Variants in SUCLA2 observed in about 807,000 individuals in gnomAD.
SUCLA2 encodes succinate-CoA ligase ADP-forming subunit beta, also known as succinate--CoA ligase [ADP-forming] subunit beta, mitochondrial.
SUCLA2 carries 30 observed loss-of-function variants against 54.8 expected under a neutral mutation model. The observed-to-expected ratio is 0.55, with a 90% CI of 0.41 to 0.74. SUCLA2 has a LOEUF of 0.74. Among genes scored for constraint, SUCLA2 ranks in the 30% least tolerant of loss-of-function variants. The pLI is 0.00. For missense variants in SUCLA2, 476 were observed against 562.9 expected (o/e 0.85, Z 1.56); for synonymous variants, 172 against 188.9 (o/e 0.91, Z 0.74).
At chr13:47,966,401 C>A (rs1028498336) in intron 6 of SUCLA2, among the ~76,000 whole-genome samples, 1 of 151,896 alleles carries the variant, frequency 6.6e-6, no homozygotes, top group Admixed American at 6.6e-5. Context: ...CAATTCTTAT[C>A]CTTTTACTTT....
In SUCLA2 at chr13:47,996,675, T is replaced by C. The variant is rs1401312082; in HGVS notation, c.271+168A>G. Among the ~76,000 whole-genome samples, 4 of 151,954 alleles carry C rather than the reference T, an allele frequency of 2.6e-5. No homozygotes were observed. The East Asian group carries it at 5.8e-4, about 22-fold the overall frequency. ...TGGGTGCTCATAATAATAATAATAATAATAATTTTAGAATTTCAATAATAA... is the reference window on the plus strand; with the variant it reads ...TGGGTGCTCATAATAATAATAATAACAATAATTTTAGAATTTCAATAATAA... On this transcript the variant is annotated intron_variant, in intron 2 of 10. Coordinates refer to ENST00000646932, the MANE Select transcript of SUCLA2 (RefSeq NM_003850.3).
chr13:47,959,480 G>A (rs1325514339), intron 6 of SUCLA2, among the ~76,000 whole-genome samples: 1 of 90,090 alleles, frequency 1.1e-5, no homozygotes, highest in Non-Finnish European at 2.3e-5. Context: ...AGGGGCGGAG[G>A]AGGAGGGGGG....
At position 47,983,489 on chromosome 13, in the gene SUCLA2, CT is replaced by C. The variant is rs10548877; in HGVS notation, c.534+5051del. On this transcript the variant is annotated intron_variant, in intron 4 of 10. Transcript: ENST00000646932. ...ACATTTTAGTTTAGTTTTCTTTTCC[CT>C]TTTTTTTTTTTTTTTTTGAGACGGA... Among the ~76,000 whole-genome samples, 50 of 132,510 alleles carry C rather than the reference CT, an allele frequency of 3.8e-4. 1 individual carries two copies. Among genetic ancestry groups the C allele is most frequent in the African/African-American group, 1.4e-3 (47 of 33,856 alleles). 86.9% of individuals were successfully genotyped at this position (132,510 alleles called of 152,430 possible).
In SUCLA2 at chr13:47,943,461, G is replaced by A. The variant is rs775007583; in HGVS notation, c.1318-16C>T. 20 of 1,612,878 alleles carry A rather than the reference G, an allele frequency of 1.2e-5. No individual in the cohort carries two copies. Among genetic ancestry groups the A allele is most frequent in the African/African-American group, 2.7e-5 (2 of 74,864 alleles). ...GCTTTACAACCTAAAAGAAAAGAAC[G>A]AAGAATTTTCACAAAAAGGTAAATT... On this transcript the variant is annotated splice_polypyrimidine_tract_variant and intron_variant, in intron 10 of 10. Coordinates refer to ENST00000646932, the MANE Select transcript of SUCLA2 (RefSeq NM_003850.3).
At chr13:47,952,075 C>T (rs930440461) in intron 8 of SUCLA2, among the ~76,000 whole-genome samples, 3 of 151,268 alleles carry the variant, frequency 2.0e-5, no homozygotes, top group Non-Finnish European at 4.4e-5. Flanking sequence ...CAATCCATTA[C>T]AATCTGGCCT....
At chr13:47,987,667 TAAG>T (rs963062812) in intron 4 of SUCLA2, 7 of 152,076 alleles carry the variant, frequency 4.6e-5, no homozygotes, top group African/African-American at 1.7e-4. Flanking sequence ...TAATTGTAAA[TAAG>T]AAAAATCACA....
rs536532419 is a variant in SUCLA2, at chr13:48,000,587, T to C, written c.90+593A>G. Reference sequence around the variant, plus strand: ...TATAGCCTATCCAGAAATAAGGCTATACAAAAGATTATTTTCTTACCTCTC... The same window carrying C: ...TATAGCCTATCCAGAAATAAGGCTACACAAAAGATTATTTTCTTACCTCTC... On this transcript the variant is annotated intron_variant, in intron 1 of 10. Coordinates refer to ENST00000646932, the MANE Select transcript of SUCLA2 (RefSeq NM_003850.3). Among the ~76,000 whole-genome samples, 55 of 152,350 alleles carry C rather than the reference T, an allele frequency of 3.6e-4. No individual in the cohort carries two copies. In the South Asian group the frequency reaches 5.6e-3, roughly 15 times the overall value.
In SUCLA2 at chr13:47,955,562, G is replaced by T. The variant is rs183616358; in HGVS notation, c.803-1005C>A. Among the ~76,000 whole-genome samples, 29 of 152,226 alleles carry T rather than the reference G, an allele frequency of 1.9e-4. No homozygotes were observed. In the East Asian group the frequency reaches 5.2e-3, roughly 27 times the overall value. On this transcript the variant is annotated intron_variant, in intron 6 of 10. Coordinates refer to ENST00000646932, the MANE Select transcript of SUCLA2 (RefSeq NM_003850.3). ...GGATTTTACACTTTTAAAGGATTAT[G>T]AAGTCAAAAGGGGAAAAGAAAGAGA... is the stretch of plus-strand genomic sequence containing the variant.
At chr13:47,971,979 G>A (rs776361310) in intron 5 of SUCLA2, 39 of 397,200 alleles carry the variant, frequency 9.8e-5, no homozygotes, top group Non-Finnish European at 1.4e-4. Context: ...GACCGGACGC[G>A]GTGGCTCACG....
At chr13:47,960,025 G>C (rs1296521406) in intron 6 of SUCLA2, among the ~76,000 whole-genome samples, 1 of 152,080 alleles carries the variant, frequency 6.6e-6, no homozygotes, top group Non-Finnish European at 1.5e-5. Context: ...GTGGACTTAA[G>C]GTTATTGAAT....
At chr13:47,993,165 G>A (rs751050530) in intron 2 of SUCLA2, among the ~76,000 whole-genome samples, 9 of 152,288 alleles carry the variant, frequency 5.9e-5, no homozygotes, top group African/African-American at 1.4e-4. Flanking sequence ...CCAGGAGGTC[G>A]AAGCTGCAAT....
intron 4 of SUCLA2, among the ~76,000 whole-genome samples, chr13:47,978,617 T>C (rs1157232934): frequency 6.6e-6 from 1 of 152,194 alleles, no homozygotes; most frequent in African/African-American, 2.4e-5. Flanking sequence ...AAGGACTTCA[T>C]GATGACGAAA....
intron 6 of SUCLA2, among the ~76,000 whole-genome samples, chr13:47,966,677 C>G (rs1949921479): frequency 6.6e-6 from 1 of 150,430 alleles, no homozygotes. Flanking sequence ...ATTATTATTT[C>G]TTCATTAATT....
chr13:48,000,137 GA>G (rs10714629), intron 1 of SUCLA2, among the ~76,000 whole-genome samples: 1,067 of 94,168 alleles, frequency 0.011, 8 homozygotes, highest in Middle Eastern at 0.021. Flanking sequence ...CAATAAAAAT[GA>G]AAAAAAAAAA....
chr13:47,984,155 T>C (rs561457977), intron 4 of SUCLA2, among the ~76,000 whole-genome samples: 1 of 152,218 alleles, frequency 6.6e-6, no homozygotes, highest in African/African-American at 2.4e-5. Context: ...TTCAAGCAAG[T>C]AGCTGAAATT....
chr13:47,962,558 C>G (rs969455607), intron 6 of SUCLA2, among the ~76,000 whole-genome samples: 1 of 152,066 alleles, frequency 6.6e-6, no homozygotes. Flanking sequence ...GCAGGTAGAT[C>G]CTGCTGTGAT....
intron 6 of SUCLA2, among the ~76,000 whole-genome samples, chr13:47,962,402 A>T (rs904241784): frequency 1.3e-5 from 2 of 152,222 alleles, no homozygotes; most frequent in Non-Finnish European, 2.9e-5. Flanking sequence ...TAGGACTTTG[A>T]CTCAAATGAC....
intron 6 of SUCLA2, among the ~76,000 whole-genome samples, chr13:47,967,012 C>G (rs1006359128): frequency 2.6e-5 from 4 of 151,874 alleles, no homozygotes; most frequent in African/African-American, 9.7e-5. Flanking sequence ...AAAGCAAGAC[C>G]GTGTCTCAAA....
intron 6 of SUCLA2, among the ~76,000 whole-genome samples, chr13:47,956,122 T>C (rs1023552968): frequency 6.6e-6 from 1 of 152,064 alleles, no homozygotes; most frequent in African/African-American, 2.4e-5. Flanking sequence ...AACCCAAATT[T>C]AGAATAATCA....
Sources: allele counts gnomAD v4.1 joint callset (sites outside exome capture counted in the v4.1 genomes callset), GRCh38; gene constraint gnomAD v4.1.1; transcripts MANE v1.5; gene names NCBI Gene and HGNC (gene_info 2026-07-23, HGNC 2026-07-21).